The following FBN3 variants were observed in gnomAD, a reference collection of about 807,000 sequenced individuals.
The protein encoded by FBN3 is fibrillin-3.
A neutral mutation model predicts 330.1 loss-of-function variants in FBN3; 234 were observed. The observed-to-expected ratio is 0.71, with a 90% CI of 0.64 to 0.79. The LOEUF (loss-of-function observed/expected upper bound fraction) is 0.79. Among genes scored for constraint, FBN3 ranks in the 30% least tolerant of loss-of-function variants. The probability of loss-of-function intolerance (pLI) is 0.00; values close to 1 mark genes in which losing one functional copy is unlikely to be tolerated. For synonymous variants in FBN3, 1,458 were observed against 1,517.3 expected (o/e 0.96, Z 0.91); for missense variants, 3,606 against 3,886.9 (o/e 0.93, Z 1.92).
At chr19:8,107,095 G>T (rs1329999480) in intron 37 of FBN3, among the ~76,000 whole-genome samples, 1 of 150,284 alleles carries the variant, frequency 6.7e-6, no homozygotes, top group Non-Finnish European at 1.5e-5. Context: ...GGTGGATGGG[G>T]CATGGTTGGA....
rs75419503 is a variant in FBN3, at chr19:8,135,681, G to A, written c.1591+280C>T. On this transcript the variant is annotated intron_variant, in intron 13 of 63. Transcript: ENST00000600128. ...CAAGAGATTCTCCTGCCTCAGCCCC[G>A]CAAAGTGCTGGGATTACAGGCATAA... Among the ~76,000 whole-genome samples the A allele has an allele frequency of 9.9e-5, 15 of 151,868 alleles. No homozygotes were observed. The East Asian group carries it at 1.7e-3, about 18-fold the overall frequency.
Position 8,147,376 on chromosome 19 carries a change from C to T in FBN3, c.105G>A (p.Gly35=). 2 of 1,600,688 alleles carry T rather than the reference C, an allele frequency of 1.2e-6. No homozygotes were observed. The highest frequency in any genetic ancestry group is 1.7e-6 in the Non-Finnish European group (2 of 1,175,454). Residue 35 remains glycine (G), a synonymous_variant, in exon 2 of 64, where the codon GGG becomes GGA. Transcript: ENST00000600128. ...CMAGGQGRWD[G]ALEAAGPGRV... ...GTCCAGGACCTGCAGCCTCCAAGGC[C>T]CCGTCCCAGCGGCCTTGGCCACCTG...
At chr19:8,086,893 C>G (rs1278390154) in intron 54 of FBN3, among the ~76,000 whole-genome samples, 184 bp downstream of exon 54, 1 of 152,056 alleles carries the variant, frequency 6.6e-6, no homozygotes, top group African/African-American at 2.4e-5. Flanking sequence ...CTGTCCCCCC[C>G]CACTGCCTGT....
rs2082376525 is a variant in FBN3, at chr19:8,103,628, GGGTGTTGTA to G, written c.4864_4872del (p.Tyr1622_Thr1624del). ...GGGCAGACACAGGTGTAGTTCCCCA[GGGTGTTGTA>G]GCAGGTGCCAGGGCCACAGATGCCG... is the stretch of plus-strand genomic sequence containing the variant. On this transcript the variant is annotated inframe_deletion, in exon 39 of 64. Transcript: ENST00000600128. 2 of 1,613,530 alleles carry G rather than the reference GGGTGTTGTA, an allele frequency of 1.2e-6. No homozygotes were observed. The highest frequency in any genetic ancestry group is 2.7e-5 in the African/African-American group (2 of 74,866).
chr19:8,101,020 C>T, intron 40 of FBN3, 48 bp from the exon 41 acceptor site: 2 of 1,501,910 alleles, frequency 1.3e-6, no homozygotes, highest in South Asian at 1.2e-5. Flanking sequence ...GGCCTGACCC[C>T]AGCCCGCTCC....
intron 46 of FBN3, 26 bp from the exon 47 acceptor site, chr19:8,094,591 T>A: frequency 6.2e-7 from 1 of 1,605,188 alleles, no homozygotes; most frequent in Non-Finnish European, 8.5e-7. Context: ...AGAAAGGTCC[T>A]TGTGCCAGCC....
At chr19:8,082,061 T>C (rs963299461) in intron 57 of FBN3, among the ~76,000 whole-genome samples, 1 of 152,156 alleles carries the variant, frequency 6.6e-6, no homozygotes, top group African/African-American at 2.4e-5. Flanking sequence ...CCTCCCAGGT[T>C]CAAACAATTC....
Position 8,115,555 on chromosome 19 carries a change from C to A in FBN3, c.3798G>T (p.Gln1266His). 2 of 1,614,118 alleles carry A rather than the reference C, an allele frequency of 1.2e-6. No individual in the cohort carries two copies. The highest frequency in any genetic ancestry group is 1.7e-6 in the Non-Finnish European group (2 of 1,180,020). The part of the protein sequence containing the change: ...NTKGSFVCHC[Q>H]LGYMVRKGAT... Reference sequence around the variant, plus strand: ...CCCCCTTCCTGACCATGTAGCCCAGCTGACAGTGGCAGACAAAGGAACCCT... The same window carrying A: ...CCCCCTTCCTGACCATGTAGCCCAGATGACAGTGGCAGACAAAGGAACCCT... The change falls in exon 30 of 64, where the codon CAG becomes CAT. Residue 1266 changes from glutamine (Q) to histidine (H), a missense_variant. Physicochemically the swap from Gln to His is conservative, Grantham distance 24. Coordinates refer to ENST00000600128, the MANE Select transcript of FBN3 (RefSeq NM_032447.5).
intron 16 of FBN3, among the ~76,000 whole-genome samples, chr19:8,130,644 G>GAAAGAAA (rs1180085232): frequency 1.7e-5 from 1 of 58,936 alleles, no homozygotes; most frequent in East Asian, 4.4e-4. Context: ...AAGAAAGAAA[G>GAAAGAAA]GAAAGGAAAG....
At chr19:8,117,099 T>C in intron 28 of FBN3, 70 bp downstream of exon 28, 1 of 1,593,128 alleles carries the variant, frequency 6.3e-7, no homozygotes, top group Non-Finnish European at 8.5e-7. Context: ...TCTGGGCCAG[T>C]GCAGGACCCA....
intron 30 of FBN3, 76 bp downstream of exon 30, chr19:8,115,439 G>A (rs1281257038): frequency 6.6e-6 from 10 of 1,525,442 alleles, no homozygotes; most frequent in African/African-American, 1.4e-5. Flanking sequence ...TGCCCTGGGG[G>A]ATGGAAACAG....
chr19:8,087,914 C>T lies in FBN3; in HGVS notation c.6530G>A (p.Cys2177Tyr), dbSNP rs532263230. ...IDECSLNPLL[C>Y]AFRCHNTEGS... ...CTCGGTATTGTGGCAGCGGAAGGCA[C>T]AGAGCAGCGGGTTCAGGGAGCATTC... is the stretch of plus-strand genomic sequence containing the variant. Residue 2177 changes from cysteine to tyrosine, a missense_variant, in exon 53 of 64, where the codon TGT (cysteine) becomes TAT (tyrosine). Coordinates refer to ENST00000600128, the MANE Select transcript of FBN3 (RefSeq NM_032447.5). 8.1e-6 allele frequency: 13 copies of T among 1,614,122 alleles called. No homozygotes were observed. In the South Asian group the frequency reaches 1.3e-4, roughly 16 times the overall value.
intron 13 of FBN3, among the ~76,000 whole-genome samples, chr19:8,134,888 G>T (rs1186699166): frequency 1.3e-5 from 2 of 150,462 alleles, no homozygotes; most frequent in Non-Finnish European, 3.0e-5. Flanking sequence ...GAGCCAAGAT[G>T]GCACCACTGC....
Position 8,108,249 on chromosome 19 carries a change from A to G in FBN3, c.4619-11T>C. 1.2e-6 allele frequency: 2 copies of G among 1,603,208 alleles called. No individual in the cohort carries two copies. The highest frequency in any genetic ancestry group is 8.5e-7 in the Non-Finnish European group (1 of 1,175,728). Reference sequence around the variant, plus strand: ...GGGTTCTGTACTCAGCTGTAAAGGGAAACAGGCTCCTGTGAGGTGGGGTAT... The same window carrying G: ...GGGTTCTGTACTCAGCTGTAAAGGGGAACAGGCTCCTGTGAGGTGGGGTAT... On this transcript the variant is annotated splice_polypyrimidine_tract_variant and intron_variant, in intron 36 of 63. Transcript: ENST00000600128.
At chr19:8,134,253 A>ATAAAT (rs1555752689) in intron 13 of FBN3, among the ~76,000 whole-genome samples, 5 of 148,876 alleles carry the variant, frequency 3.4e-5, no homozygotes, top group African/African-American at 9.8e-5. Flanking sequence ...AAATAAATAA[A>ATAAAT]TAAATAAAAT....
At chr19:8,112,276 A>G (rs1438118315) in intron 30 of FBN3, among the ~76,000 whole-genome samples, 177 bp from the exon 31 acceptor site, 2 of 152,078 alleles carry the variant, frequency 1.3e-5, no homozygotes, top group Non-Finnish European at 2.9e-5. Context: ...AAACCCCGAA[A>G]CCCAACAGAC....
At chr19:8,140,620 A>G (rs1368990588) in intron 8 of FBN3, among the ~76,000 whole-genome samples, 2 of 152,080 alleles carry the variant, frequency 1.3e-5, no homozygotes, top group East Asian at 1.9e-4. Flanking sequence ...ATCTTACTCA[A>G]TCTTCATTGA....
chr19:8,116,795 C>G lies in FBN3; in HGVS notation c.3591G>C (p.Val1197=). The part of the protein sequence containing the change: ...LMPDGRACAD[V]DECEENPRVC... ...CGCGGGGGTTCTCTTCACACTCGTCCACGTCTGGGGGAGCAGGGTTGGGGA... is the reference window on the plus strand; with the variant it reads ...CGCGGGGGTTCTCTTCACACTCGTCGACGTCTGGGGGAGCAGGGTTGGGGA... Residue 1197 remains valine, a synonymous_variant, in exon 29 of 64, where the codon GTG becomes GTC. Coordinates refer to ENST00000600128, the MANE Select transcript of FBN3 (RefSeq NM_032447.5). The G allele has an allele frequency of 6.2e-7, 1 of 1,613,778 alleles. No homozygotes were observed. Among genetic ancestry groups the G allele is most frequent in the Non-Finnish European group, 8.5e-7 (1 of 1,179,814 alleles).
chr19:8,087,334 G>A (rs1189759870), intron 53 of FBN3, 123 bp from the exon 54 acceptor site: 1 of 1,102,056 alleles, frequency 9.1e-7, no homozygotes, highest in African/African-American at 1.6e-5. Flanking sequence ...CCTGTCAAAT[G>A]TCTATCCCTC....
Sources: gnomAD v4.1 joint callset for allele counts (sites outside exome capture counted in the v4.1 genomes callset) on GRCh38, gnomAD v4.1.1 for gene constraint, MANE v1.5 for transcripts, NCBI Gene and HGNC (gene_info 2026-07-23, HGNC 2026-07-21) for gene names.